Variants in LHFPL3 observed in about 807,000 individuals in gnomAD.
LHFPL3 encodes LHFPL tetraspan subfamily member 3.
LHFPL3 carries 5 observed loss-of-function variants against 19.3 expected under a neutral mutation model. That is an observed-to-expected ratio of 0.26 (90% CI 0.14 to 0.54). The LOEUF is 0.54. LHFPL3 is among the 20% of genes least tolerant of loss of function. The probability of loss-of-function intolerance (pLI) is 0.94; values close to 1 mark genes in which losing one functional copy is unlikely to be tolerated. For missense variants in LHFPL3, 249 were observed against 307.4 expected, an observed-to-expected ratio of 0.81 and a Z score of 1.42; for synonymous variants, 133 against 126.2, an observed-to-expected ratio of 1.05 and a Z score of -0.36.
At chr7:104,364,688 C>T (rs1323337636) in intron 1 of LHFPL3, among the ~76,000 whole-genome samples, 2 of 152,216 alleles carry the variant, frequency 1.3e-5, no homozygotes, top group Non-Finnish European at 2.9e-5. Context: ...TTTTTGTCCA[C>T]TCTAGCAAGA....
At chr7:104,883,126 T>C (rs1792086883) in intron 2 of LHFPL3, among the ~76,000 whole-genome samples, 1 of 152,204 alleles carries the variant, frequency 6.6e-6, no homozygotes, top group Admixed American at 6.5e-5. Context: ...AACAAAGAGC[T>C]AGAATTAAGA....
At chr7:104,390,844 T>C (rs1791051458) in intron 1 of LHFPL3, among the ~76,000 whole-genome samples, 1 of 152,092 alleles carries the variant, frequency 6.6e-6, no homozygotes, top group Admixed American at 6.5e-5. Flanking sequence ...CTCCAGCACT[T>C]GTTGTTTCCT....
At chr7:104,790,783 A>G (rs1415967544) in intron 2 of LHFPL3, among the ~76,000 whole-genome samples, 1 of 152,194 alleles carries the variant, frequency 6.6e-6, no homozygotes, top group Non-Finnish European at 1.5e-5. Context: ...TGGGCAAGTC[A>G]CATAACATTT....
intron 1 of LHFPL3, among the ~76,000 whole-genome samples, chr7:104,636,691 T>C (rs1286064733): frequency 6.6e-6 from 1 of 152,190 alleles, no homozygotes; most frequent in East Asian, 1.9e-4. Context: ...TCCCTCTTCA[T>C]CCATGTTCCT....
rs147847890 is a variant in LHFPL3, at chr7:104,545,824, A to G, written c.446-190851A>G. 3.7e-4 allele frequency among the ~76,000 whole-genome samples: 56 copies of G among 152,346 alleles called. 1 individual carries two copies. In the East Asian group the frequency reaches 0.011, roughly 29 times the overall value. On this transcript the variant is annotated intron_variant, in intron 1 of 2. Transcript: ENST00000424859. The stretch of plus-strand genomic sequence containing the variant: ...AGTTGAAGAGCAAAAAAACTGCTCT[A>G]TCAGTCTTCATGGGTCAGCATCCTG...
rs144844369 is a variant in LHFPL3 at position 104,667,623 on chromosome 7, G to A, written c.446-69052G>A. 2.9e-4 allele frequency: 204 copies of A among 704,372 alleles called. 2 individuals carry two copies. In the East Asian group the frequency reaches 5.2e-3, roughly 18 times the overall value. 43.6% of individuals were successfully genotyped at this position (704,372 alleles called of 1,614,324 possible). On this transcript the variant is annotated intron_variant, in intron 1 of 2. Coordinates refer to ENST00000424859, the MANE Select transcript of LHFPL3 (RefSeq NM_199000.3). ...AACTAATATTTGTTATCCATTTAGT[G>A]TACAACATTGAACTTGAAACAGCCA...
intron 1 of LHFPL3, among the ~76,000 whole-genome samples, chr7:104,693,696 CTTT>C (rs55922716): frequency 7.1e-6 from 1 of 140,532 alleles, no homozygotes. Flanking sequence ...CTTTTCTTTT[CTTT>C]TTTTTTTTTT....
In LHFPL3 at chr7:104,562,378, A is replaced by G. The variant is rs897162456; in HGVS notation, c.446-174297A>G. On this transcript the variant is annotated intron_variant, in intron 1 of 2. Transcript: ENST00000424859. ...CCCATAGTTCTTGGAGGCTTTGCTC[A>G]TTTCTTTTTATTCTTTTTTCTCTAG... Among the ~76,000 whole-genome samples the G allele has an allele frequency of 5.3e-5, 8 of 152,138 alleles. No homozygotes were observed. The South Asian group carries it at 1.2e-3, about 24-fold the overall frequency.
chr7:104,458,694 C>T (rs893393969), intron 1 of LHFPL3, among the ~76,000 whole-genome samples: 1 of 151,632 alleles, frequency 6.6e-6, no homozygotes, highest in Non-Finnish European at 1.5e-5. Context: ...TGAATCTAAA[C>T]CCACTGCATT....
intron 2 of LHFPL3, among the ~76,000 whole-genome samples, chr7:104,901,580 T>G (rs926721011): frequency 2.0e-5 from 3 of 152,126 alleles, no homozygotes; most frequent in Non-Finnish European, 4.4e-5. Flanking sequence ...TTTGTTTGCT[T>G]GTTTTTTGAG....
intron 1 of LHFPL3, among the ~76,000 whole-genome samples, chr7:104,508,633 C>G (rs1562920021): frequency 6.7e-6 from 1 of 149,830 alleles, no homozygotes; most frequent in South Asian, 2.1e-4. Flanking sequence ...TATATATACA[C>G]ATTAGGAAAA....
intron 2 of LHFPL3, among the ~76,000 whole-genome samples, chr7:104,840,385 G>A (rs940067991): frequency 1.0e-4 from 14 of 138,246 alleles, no homozygotes; most frequent in African/African-American, 3.7e-4. Context: ...GCACAATCGC[G>A]ACTATTACAC....
chr7:104,453,719 C>T (rs1792488007), intron 1 of LHFPL3, among the ~76,000 whole-genome samples: 1 of 152,056 alleles, frequency 6.6e-6, no homozygotes, highest in African/African-American at 2.4e-5. Context: ...GCGGGTCCCT[C>T]ATGAATGGCT....
intron 1 of LHFPL3, among the ~76,000 whole-genome samples, chr7:104,575,621 G>T (rs1790323603): frequency 6.8e-6 from 1 of 147,852 alleles, no homozygotes; most frequent in African/African-American, 2.5e-5. Flanking sequence ...AGTCCCAATG[G>T]TGGGCTTCTT....
At chr7:104,573,903 C>G (rs1790277050) in intron 1 of LHFPL3, among the ~76,000 whole-genome samples, 1 of 152,136 alleles carries the variant, frequency 6.6e-6, no homozygotes, top group Admixed American at 6.5e-5. Context: ...GAATAGTATT[C>G]CACTTTAATT....
intron 1 of LHFPL3, among the ~76,000 whole-genome samples, chr7:104,644,751 C>CT: frequency 3.5e-4 from 1 of 2,842 alleles, no homozygotes; most frequent in East Asian, 0.17. Context: ...GACATTCCTC[C>CT]CCCTCCCTGC....
At chr7:104,592,474 T>C (rs899780531) in intron 1 of LHFPL3, among the ~76,000 whole-genome samples, 1 of 151,538 alleles carries the variant, frequency 6.6e-6, no homozygotes, top group Non-Finnish European at 1.5e-5. Context: ...GGAAGCTTCT[T>C]CTCAGAGGAG....
chr7:104,679,744 T>G (rs1792661278), intron 1 of LHFPL3, among the ~76,000 whole-genome samples: 1 of 152,190 alleles, frequency 6.6e-6, no homozygotes, highest in Admixed American at 6.5e-5. Context: ...TATACCTTTG[T>G]GAGATCAAAA....
chr7:104,350,326 C>T (rs754568069), intron 1 of LHFPL3, among the ~76,000 whole-genome samples: 30 of 152,258 alleles, frequency 2.0e-4, no homozygotes, highest in Admixed American at 5.2e-4. Flanking sequence ...TTCTATTGGA[C>T]AGAACCGTCA....
Sources: allele counts gnomAD v4.1 joint callset (sites outside exome capture counted in the v4.1 genomes callset), GRCh38; gene constraint gnomAD v4.1.1; transcripts MANE v1.5; gene names NCBI Gene and HGNC (gene_info 2026-07-23, HGNC 2026-07-21).